RARB: variants seen among roughly 807,000 people sequenced by gnomAD.
RARB encodes the protein retinoic acid receptor beta, also known as HBV-activated protein.
Under a neutral mutation model 51.9 loss-of-function variants are expected in RARB, and 17 were observed. The observed-to-expected ratio is 0.33, with a 90% CI of 0.22 to 0.49. The LOEUF (loss-of-function observed/expected upper bound fraction) is 0.49, where lower values mean the gene tolerates loss of function less well. RARB is among the 20% of genes least tolerant of loss of function. The pLI, the probability that RARB is intolerant of heterozygous loss-of-function variation, is 0.99. For synonymous variants in RARB, 215 were observed against 195.4 expected (o/e 1.10, Z -0.84); for missense variants, 369 against 550.8 (o/e 0.67, Z 3.30).
intron 5 of RARB, among the ~76,000 whole-genome samples, chr3:25,341,776 C>T (rs1400568049): frequency 2.0e-5 from 3 of 151,978 alleles, no homozygotes; most frequent in African/African-American, 4.8e-5. Context: ...AAACAGCCCC[C>T]CATAACAAAG....
chr3:25,534,216 A>C (rs1031975287), intron 3 of RARB, among the ~76,000 whole-genome samples: 2 of 152,240 alleles, frequency 1.3e-5, no homozygotes, highest in African/African-American at 2.4e-5. Context: ...TGTTGACCTA[A>C]GACTTTGAGC....
intron 2 of RARB, among the ~76,000 whole-genome samples, chr3:24,929,095 T>C (rs769699336): frequency 3.9e-5 from 6 of 152,102 alleles, no homozygotes; most frequent in Non-Finnish European, 8.8e-5. Context: ...ATGATATGAA[T>C]ATTTTTCCTA....
chr3:25,126,207 T>C (rs1225035151), intron 3 of RARB, among the ~76,000 whole-genome samples: 3 of 152,190 alleles, frequency 2.0e-5, no homozygotes, highest in Non-Finnish European at 4.4e-5. Context: ...CCTCCATTTA[T>C]AATTAAAGTA....
chr3:24,882,000 A>G (rs1316004853), intron 2 of RARB, among the ~76,000 whole-genome samples: 2 of 152,224 alleles, frequency 1.3e-5, no homozygotes, highest in African/African-American at 2.4e-5. Context: ...ACTCAGCTAT[A>G]GATTATATGA....
chr3:25,362,155 G>T (rs1478768862), intron 5 of RARB, among the ~76,000 whole-genome samples: 1 of 152,162 alleles, frequency 6.6e-6, no homozygotes, highest in Non-Finnish European at 1.5e-5. Context: ...CCCTGTCTGG[G>T]GCTGCTGCCT....
At chr3:25,193,646 A>G (rs1701158328) in intron 5 of RARB, among the ~76,000 whole-genome samples, 1 of 152,044 alleles carries the variant, frequency 6.6e-6, no homozygotes, top group Non-Finnish European at 1.5e-5. Flanking sequence ...CTACACTGGA[A>G]TATATTCTTT....
intron 5 of RARB, among the ~76,000 whole-genome samples, chr3:25,404,641 A>G (rs1559387006): frequency 6.6e-6 from 1 of 152,134 alleles, no homozygotes; most frequent in Non-Finnish European, 1.5e-5. Context: ...GCTTAGGGAC[A>G]GATAGTGGAA....
At chr3:25,177,345 G>A (rs1038117597) in intron 5 of RARB, among the ~76,000 whole-genome samples, 2 of 152,178 alleles carry the variant, frequency 1.3e-5, no homozygotes, top group Non-Finnish European at 2.9e-5. Flanking sequence ...TAGGAAGGTA[G>A]CCAAATTCTG....
intron 5 of RARB, among the ~76,000 whole-genome samples, chr3:25,206,769 T>G (rs1043706447): frequency 1.3e-5 from 2 of 152,228 alleles, no homozygotes; most frequent in African/African-American, 2.4e-5. Context: ...GGATGCTTAT[T>G]CATGCCCGAT....
At chr3:25,089,188 T>G (rs905500298) in intron 3 of RARB, among the ~76,000 whole-genome samples, 13 of 152,084 alleles carry the variant, frequency 8.5e-5, no homozygotes, top group African/African-American at 3.1e-4. Context: ...TTATAATTTA[T>G]TTTTGGTTTA....
At chr3:25,097,252 A>T (rs552568415) in intron 3 of RARB, among the ~76,000 whole-genome samples, 9 of 152,200 alleles carry the variant, frequency 5.9e-5, no homozygotes, top group Non-Finnish European at 1.3e-4. Context: ...TGAACCAAAC[A>T]CTATTTGATG....
intron 5 of RARB, among the ~76,000 whole-genome samples, chr3:25,389,639 T>C (rs1011726728): frequency 4.9e-4 from 75 of 152,166 alleles, no homozygotes; most frequent in African/African-American, 1.8e-3. Flanking sequence ...GCCTTGGTTT[T>C]CCATTCATTA....
chr3:25,545,051 G>A (rs774712339), intron 3 of RARB, among the ~76,000 whole-genome samples: 26 of 152,036 alleles, frequency 1.7e-4, no homozygotes, highest in African/African-American at 2.9e-4. Context: ...AACCTCTGCC[G>A]TCCAGGTTCA....
chr3:25,406,884 C>T (rs905698322), intron 5 of RARB, among the ~76,000 whole-genome samples: 5 of 152,144 alleles, frequency 3.3e-5, no homozygotes, highest in Admixed American at 6.5e-5. Flanking sequence ...ATCATTCATA[C>T]CAAAGCATCT....
rs990866313 is a variant in RARB at position 24,922,584 on chromosome 3, A to G, written c.-380+63832A>G. Among the ~76,000 whole-genome samples the G allele has an allele frequency of 3.3e-5, 5 of 152,192 alleles. No individual in the cohort carries two copies. In the South Asian group the frequency reaches 6.2e-4, roughly 19 times the overall value. Reference sequence around the variant, plus strand: ...ACACAGCCTGAAAGAGCTGGGATATACAGACAAGGAATGTGCCTCGAAATC... The same window carrying G: ...ACACAGCCTGAAAGAGCTGGGATATGCAGACAAGGAATGTGCCTCGAAATC... On this transcript the variant is annotated intron_variant, in intron 2 of 11. Coordinates refer to the RARB transcript ENST00000383772.
At chr3:25,154,540 TTCCA>T (rs1700344025) in intron 4 of RARB, among the ~76,000 whole-genome samples, 1 of 152,228 alleles carries the variant, frequency 6.6e-6, no homozygotes, top group Non-Finnish European at 1.5e-5. Flanking sequence ...CCAATCCATT[TTCCA>T]CACAGCTGCC....
At chr3:25,385,856 G>A (rs1474578073) in intron 5 of RARB, among the ~76,000 whole-genome samples, 5 of 152,218 alleles carry the variant, frequency 3.3e-5, no homozygotes, top group Middle Eastern at 3.4e-3. Context: ...AGGCAAGCAC[G>A]TGACCTAAGA....
chr3:25,565,198 C>G (rs1700442359), intron 3 of RARB, among the ~76,000 whole-genome samples: 1 of 152,170 alleles, frequency 6.6e-6, no homozygotes, highest in Non-Finnish European at 1.5e-5. Flanking sequence ...AGTTCTGATC[C>G]TGACTGTATC....
intron 5 of RARB, among the ~76,000 whole-genome samples, chr3:25,418,713 T>G (rs909768363): frequency 3.3e-5 from 5 of 152,048 alleles, no homozygotes; most frequent in African/African-American, 1.2e-4. Context: ...TGAGGACAAG[T>G]AGGGATTCAT....
Sources: allele counts gnomAD v4.1 joint callset (sites outside exome capture counted in the v4.1 genomes callset), GRCh38; gene constraint gnomAD v4.1.1; transcripts MANE v1.5; gene names NCBI Gene and HGNC (gene_info 2026-07-23, HGNC 2026-07-21).